The following RNLS variants were observed in gnomAD, a reference collection of about 807,000 sequenced individuals.
The protein encoded by RNLS is renalase.
In RNLS, 39 loss-of-function variants were observed where a neutral mutation model predicts 39.8. That is an observed-to-expected ratio of 0.98 (90% CI 0.76 to 1.28). The LOEUF is 1.28. Ranked by LOEUF, RNLS falls within the 50% of genes most tolerant of loss-of-function variation. The probability of loss-of-function intolerance (pLI) is 0.00; values close to 1 mark genes in which losing one functional copy is unlikely to be tolerated. For synonymous variants in RNLS, 147 were observed against 150.7 expected (o/e 0.98, Z 0.18); for missense variants, 410 against 413.3 (o/e 0.99, Z 0.07).
chr10:88,287,620 A>C (rs1414638403), intron 6 of RNLS, among the ~76,000 whole-genome samples: 1 of 152,100 alleles, frequency 6.6e-6, no homozygotes, highest in African/African-American at 2.4e-5. Flanking sequence ...ATTTATAAAG[A>C]AAAGAGGTTT....
chr10:88,444,215 T>C (rs2133863480), intron 4 of RNLS, among the ~76,000 whole-genome samples: 1 of 152,344 alleles, frequency 6.6e-6, no homozygotes, highest in Non-Finnish European at 1.5e-5. Flanking sequence ...AAACAGGGTC[T>C]GGAGTGGACC....
At chr10:88,266,255 G>A in the RNLS span, among the ~76,000 whole-genome samples, 1 of 152,170 alleles carries the variant, frequency 6.6e-6, no homozygotes, top group Non-Finnish European at 1.5e-5. Flanking sequence ...GCTCCCCTGA[G>A]AAGATGAATG....
At chr10:88,271,135 AC>A (rs1842640476), downstream of RNLS, among the ~76,000 whole-genome samples, 1 of 152,206 alleles carries the variant, frequency 6.6e-6, no homozygotes, top group Admixed American at 6.5e-5. Context: ...CATTTCTACC[AC>A]AGCTGCACAG....
At chr10:88,506,631 G>A (rs1845810552) in intron 4 of RNLS, among the ~76,000 whole-genome samples, 1 of 151,604 alleles carries the variant, frequency 6.6e-6, no homozygotes, top group Admixed American at 6.6e-5. Context: ...CAGAAACAAT[G>A]GTAACAATTG....
chr10:88,497,638 G>A (rs2134092350), intron 4 of RNLS, among the ~76,000 whole-genome samples: 1 of 152,192 alleles, frequency 6.6e-6, no homozygotes, highest in South Asian at 2.1e-4. Context: ...ATGGATTGGA[G>A]GATGTGGTCA....
chr10:88,560,526 T>C (rs566547995), intron 4 of RNLS, among the ~76,000 whole-genome samples: 1 of 152,210 alleles, frequency 6.6e-6, no homozygotes, highest in East Asian at 1.9e-4. Flanking sequence ...GAGAGTGCAA[T>C]GTTTCTGGAG....
At chr10:88,453,339 C>T (rs79302422) in intron 4 of RNLS, among the ~76,000 whole-genome samples, 27,075 of 152,224 alleles carry the variant, frequency 0.18, 2,882 homozygotes, top group Non-Finnish European at 0.25. Context: ...CATGCTCCTT[C>T]CCGGCGGTAG....
At chr10:88,514,086 C>T in intron 4 of RNLS, among the ~76,000 whole-genome samples, 1 of 149,900 alleles carries the variant, frequency 6.7e-6, no homozygotes, top group Non-Finnish European at 1.5e-5. Context: ...TGTTTTCACA[C>T]TGCAATAAAC....
At chr10:88,474,114 G>T (rs905165405) in intron 4 of RNLS, among the ~76,000 whole-genome samples, 1 of 152,034 alleles carries the variant, frequency 6.6e-6, no homozygotes, top group Non-Finnish European at 1.5e-5. Flanking sequence ...AATTATATTT[G>T]AGATGCTGCA....
intron 3 of RNLS, among the ~76,000 whole-genome samples, chr10:88,573,376 T>C (rs1275465318): frequency 6.6e-6 from 1 of 152,190 alleles, no homozygotes; most frequent in Non-Finnish European, 1.5e-5. Context: ...GTACACATTA[T>C]ACTAATTTAT....
intron 4 of RNLS, among the ~76,000 whole-genome samples, chr10:88,478,705 A>T (rs1840081880): frequency 6.6e-6 from 1 of 151,976 alleles, no homozygotes; most frequent in African/African-American, 2.4e-5. Flanking sequence ...TTCCCATACA[A>T]CTTATAATAT....
the RNLS span, among the ~76,000 whole-genome samples, chr10:88,263,435 C>T: frequency 6.6e-6 from 1 of 152,068 alleles, no homozygotes; most frequent in African/African-American, 2.4e-5. Context: ...ATAACAGCAC[C>T]ATCACAATCA....
chr10:88,274,233 T>C (rs576594337), exon 7 of RNLS: 47 of 152,316 alleles, frequency 3.1e-4, no homozygotes, highest in African/African-American at 1.1e-3. Context: ...CATTTAAATG[T>C]GCAGTTCTGT....
chr10:88,578,265 T>G (rs1313778234), intron 3 of RNLS, among the ~76,000 whole-genome samples: 1 of 152,052 alleles, frequency 6.6e-6, no homozygotes, highest in Non-Finnish European at 1.5e-5. Flanking sequence ...TTACGCTCAT[T>G]TTTTTCAATG....
the RNLS span, among the ~76,000 whole-genome samples, chr10:88,256,513 C>T: frequency 5.9e-5 from 9 of 152,230 alleles, no homozygotes; most frequent in African/African-American, 2.2e-4. Flanking sequence ...TCTCCATCCG[C>T]CTTCTTCAGA....
chr10:88,564,314 A>G (rs895657670), intron 4 of RNLS, among the ~76,000 whole-genome samples: 2 of 59,740 alleles, frequency 3.3e-5, no homozygotes, highest in African/African-American at 2.2e-4. Context: ...GATGACTGCA[A>G]ATACACACAC....
chr10:88,420,362 C>G (rs1474396809), intron 4 of RNLS, among the ~76,000 whole-genome samples: 2 of 152,252 alleles, frequency 1.3e-5, no homozygotes, highest in East Asian at 1.9e-4. Context: ...TTTTCTAGGT[C>G]TATTGTACAA....
At chr10:88,282,809 C>T (rs879837857), downstream of RNLS, among the ~76,000 whole-genome samples, 4 of 152,130 alleles carry the variant, frequency 2.6e-5, no homozygotes, top group Admixed American at 6.6e-5. Flanking sequence ...CTGAGCAAGA[C>T]GTGCATAGAC....
intron 4 of RNLS, among the ~76,000 whole-genome samples, chr10:88,370,628 A>G (rs1272195312): frequency 6.6e-6 from 1 of 152,182 alleles, no homozygotes; most frequent in Non-Finnish European, 1.5e-5. Context: ...GTTGTGCACG[A>G]ATTCAACTCC....
Sources: allele counts gnomAD v4.1 joint callset (sites outside exome capture counted in the v4.1 genomes callset), GRCh38; gene constraint gnomAD v4.1.1; transcripts MANE v1.5; gene names NCBI Gene and HGNC (gene_info 2026-07-23, HGNC 2026-07-21).